Variants in NXPH1 observed in about 807,000 individuals in gnomAD.
The protein encoded by NXPH1 is neurexophilin 1.
In NXPH1, 5 loss-of-function variants were observed where a neutral mutation model predicts 23.7. The ratio of observed to expected loss-of-function variants is 0.21; its 90% CI spans 0.11 to 0.44. The LOEUF is 0.44. Among genes scored for constraint, NXPH1 ranks in the 20% least tolerant of loss-of-function variants. The probability of loss-of-function intolerance (pLI) is 0.99; values close to 1 mark genes in which losing one functional copy is unlikely to be tolerated. For synonymous variants in NXPH1, 144 were observed against 122.2 expected (o/e 1.18, Z -1.18); for missense variants, 324 against 321.6 (o/e 1.01, Z -0.06).
chr7:8,719,911 C>G (rs1185527064), intron 2 of NXPH1, among the ~76,000 whole-genome samples: 3 of 151,854 alleles, frequency 2.0e-5, no homozygotes, highest in African/African-American at 4.8e-5. Context: ...CAAAATAACA[C>G]TGGGACAGGG....
At chr7:8,624,748 G>A (rs934608592) in intron 2 of NXPH1, among the ~76,000 whole-genome samples, 1 of 152,134 alleles carries the variant, frequency 6.6e-6, no homozygotes, top group African/African-American at 2.4e-5. Flanking sequence ...TAGGAGTTGA[G>A]AGGTTATTTT....
intron 2 of NXPH1, among the ~76,000 whole-genome samples, chr7:8,746,146 C>T (rs1397600039): frequency 6.6e-6 from 1 of 152,188 alleles, no homozygotes; most frequent in Non-Finnish European, 1.5e-5. Context: ...TGTAGTCTCA[C>T]TATACAGCTA....
chr7:8,458,187 T>C (rs1462945811), intron 2 of NXPH1, among the ~76,000 whole-genome samples: 2 of 152,202 alleles, frequency 1.3e-5, no homozygotes, highest in Non-Finnish European at 2.9e-5. Flanking sequence ...TGTGAAAAGA[T>C]GAACAACGGT....
At chr7:8,482,086 C>T (rs187525263) in intron 2 of NXPH1, among the ~76,000 whole-genome samples, 84 of 152,320 alleles carry the variant, frequency 5.5e-4, no homozygotes, top group Admixed American at 1.6e-3. Context: ...GCTGGGATTA[C>T]GCAGAAGCTG....
intron 2 of NXPH1, among the ~76,000 whole-genome samples, chr7:8,539,377 GTCTTT>G (rs1050171181): frequency 1.6e-4 from 25 of 151,936 alleles, no homozygotes; most frequent in African/African-American, 5.5e-4. Context: ...AGAGGCCACT[GTCTTT>G]TCTTGTAAGC....
chr7:8,499,516 A>C (rs4725098), intron 2 of NXPH1, among the ~76,000 whole-genome samples: 120,235 of 152,046 alleles, frequency 0.79, 48,372 homozygotes, highest in East Asian at 0.94. Flanking sequence ...CAGCCTAAGT[A>C]GCTTGTAGTT....
chr7:8,740,828 A>T (rs1449407730), intron 2 of NXPH1, among the ~76,000 whole-genome samples: 1 of 152,080 alleles, frequency 6.6e-6, no homozygotes, highest in Non-Finnish European at 1.5e-5. Context: ...TTATGTATAC[A>T]CTGTGAAATG....
intron 2 of NXPH1, among the ~76,000 whole-genome samples, chr7:8,689,475 T>TG (rs1232842055): frequency 6.6e-6 from 1 of 151,982 alleles, no homozygotes; most frequent in Non-Finnish European, 1.5e-5. Context: ...CCAGCAACAG[T>TG]GGGGGATCCT....
At chr7:8,575,654 C>A (rs985034666) in intron 2 of NXPH1, among the ~76,000 whole-genome samples, 6 of 152,066 alleles carry the variant, frequency 3.9e-5, no homozygotes, top group African/African-American at 1.4e-4. Context: ...TCTGGATAGG[C>A]CTATGCACTT....
At chr7:8,469,997 G>C (rs1177211048) in intron 2 of NXPH1, among the ~76,000 whole-genome samples, 1 of 152,052 alleles carries the variant, frequency 6.6e-6, no homozygotes, top group Admixed American at 6.5e-5. Context: ...CTACTAAACT[G>C]ACCTCCAACT....
intron 2 of NXPH1, among the ~76,000 whole-genome samples, chr7:8,606,239 T>C (rs561227714): frequency 2.0e-5 from 3 of 152,190 alleles, no homozygotes; most frequent in African/African-American, 7.2e-5. Context: ...GAGAGGAAAA[T>C]TGTATATTTT....
intron 2 of NXPH1, among the ~76,000 whole-genome samples, chr7:8,463,403 C>G (rs115590789): frequency 0.032 from 4,884 of 150,804 alleles, 95 homozygotes; most frequent in Middle Eastern, 0.053. Context: ...AAAATATAAA[C>G]AGTGTTGCAA....
chr7:8,587,306 T>A (rs1267882497), intron 2 of NXPH1, among the ~76,000 whole-genome samples: 4 of 143,416 alleles, frequency 2.8e-5, no homozygotes, highest in Non-Finnish European at 4.6e-5. Flanking sequence ...TTTTTTTTTT[T>A]TATAGAGGGG....
At chr7:8,673,183 T>C (rs1370323389) in intron 2 of NXPH1, among the ~76,000 whole-genome samples, 2 of 152,128 alleles carry the variant, frequency 1.3e-5, no homozygotes, top group Non-Finnish European at 2.9e-5. Context: ...ATTTTAAGCC[T>C]AATAAAAGGA....
intron 2 of NXPH1, among the ~76,000 whole-genome samples, chr7:8,607,301 A>G (rs1255183719): frequency 6.6e-6 from 1 of 152,178 alleles, no homozygotes; most frequent in Non-Finnish European, 1.5e-5. Context: ...AATGAGTTAA[A>G]AGCACAGTTT....
At chr7:8,714,592 A>G (rs1290156868) in intron 2 of NXPH1, among the ~76,000 whole-genome samples, 1 of 151,900 alleles carries the variant, frequency 6.6e-6, no homozygotes, top group Non-Finnish European at 1.5e-5. Context: ...CAATGCCCAC[A>G]GTATGTACTA....
intron 2 of NXPH1, among the ~76,000 whole-genome samples, chr7:8,688,665 T>C (rs760063928): frequency 1.3e-5 from 2 of 152,198 alleles, no homozygotes; most frequent in Non-Finnish European, 2.9e-5. Context: ...TTTTCACTTA[T>C]AAGGCTTTGG....
Position 8,673,815 on chromosome 7 carries a change from C to T in NXPH1, c.55-77193C>T, listed in dbSNP as rs1454293224. 3.3e-5 allele frequency among the ~76,000 whole-genome samples: 5 copies of T among 152,102 alleles called. No homozygotes were observed. In the East Asian group the frequency reaches 7.7e-4, roughly 24 times the overall value. ...TAGTAGCTACAGGAAGATAGTGCTA[C>T]TTGAAAAAAAACACATCTTCCCCAA... On this transcript the variant is annotated intron_variant, in intron 2 of 2. Transcript: ENST00000405863.
chr7:8,558,394 A>C (rs1394880213), intron 2 of NXPH1, among the ~76,000 whole-genome samples: 1 of 151,722 alleles, frequency 6.6e-6, no homozygotes, highest in East Asian at 2.0e-4. Context: ...GAAGAGTTAG[A>C]GCAGCTGGAG....
Sources: allele counts gnomAD v4.1 joint callset (sites outside exome capture counted in the v4.1 genomes callset), GRCh38; gene constraint gnomAD v4.1.1; transcripts MANE v1.5; gene names NCBI Gene and HGNC (gene_info 2026-07-23, HGNC 2026-07-21).